Variants in EYA3 observed in about 807,000 individuals in gnomAD.
EYA3 encodes EYA transcriptional coactivator and phosphatase 3.
A neutral mutation model predicts 80.0 loss-of-function variants in EYA3; 39 were observed. That is an observed-to-expected ratio of 0.49 (90% CI 0.38 to 0.64). The LOEUF is 0.64. Among genes scored for constraint, EYA3 ranks in the 30% least tolerant of loss-of-function variants. The probability of loss-of-function intolerance (pLI) is 0.00; values close to 1 mark genes in which losing one functional copy is unlikely to be tolerated. For synonymous variants in EYA3, 206 were observed against 232.8 expected, an observed-to-expected ratio of 0.88 and a Z score of 1.05; for missense variants, 523 against 676.1, an observed-to-expected ratio of 0.77 and a Z score of 2.51.
rs142545821 is a variant in EYA3 at position 28,048,715 on chromosome 1, T to A, written c.34-289A>T. ...CTAGGATAAAGTATCCAAGCTTTGA[T>A]ACAAACTAGTTGGTTTTATACTGTA... On this transcript the variant is annotated intron_variant, in intron 2 of 17. Coordinates refer to ENST00000373871, the MANE Select transcript of EYA3 (RefSeq NM_001990.4). Among the ~76,000 whole-genome samples the A allele has an allele frequency of 6.9e-3, 1,045 of 152,308 alleles. 5 individuals are homozygous for A. The highest frequency in any genetic ancestry group is 0.01 in the Non-Finnish European group (713 of 67,998).
intron 12 of EYA3, chr1:27,998,184 C>T (rs1640587482): frequency 2.8e-6 from 1 of 355,234 alleles, no homozygotes; most frequent in Non-Finnish European, 3.9e-6. Flanking sequence ...CATCCCAGAC[C>T]TACTTGAATC....
At chr1:28,049,883 G>A (rs1408897728) in intron 2 of EYA3, among the ~76,000 whole-genome samples, 1 of 151,942 alleles carries the variant, frequency 6.6e-6, no homozygotes, top group Non-Finnish European at 1.5e-5. Context: ...GTTACATATG[G>A]TCAGATAATA....
intron 1 of EYA3, among the ~76,000 whole-genome samples, chr1:28,073,127 A>ATATATATATATATATATATATATT (rs1553157671): frequency 6.7e-5 from 1 of 14,998 alleles, no homozygotes; most frequent in Non-Finnish European, 1.1e-4. Flanking sequence ...ATATATATAT[A>ATATATATATATATATATATATATT]TTTTTTTTTT....
chr1:27,982,258 A>C (rs1275917930), intron 16 of EYA3, among the ~76,000 whole-genome samples: 1 of 152,030 alleles, frequency 6.6e-6, no homozygotes, highest in Non-Finnish European at 1.5e-5. Context: ...TCGGCCTCCC[A>C]AAGTGCTAGG....
chr1:28,045,422 G>A (rs1571884670), intron 3 of EYA3, among the ~76,000 whole-genome samples: 1 of 152,138 alleles, frequency 6.6e-6, no homozygotes, highest in East Asian at 1.9e-4. Context: ...ACTTCTACAT[G>A]TACCTGGTTA....
chr1:28,062,100 A>G (rs1215759624), intron 1 of EYA3, among the ~76,000 whole-genome samples: 1 of 152,194 alleles, frequency 6.6e-6, no homozygotes, highest in Non-Finnish European at 1.5e-5. Flanking sequence ...CCCCGAGTTA[A>G]TCTTTTAAGT....
At chr1:28,039,042 T>A in intron 4 of EYA3, 137 bp from the exon 5 acceptor site, 2 of 484,338 alleles carry the variant, frequency 4.1e-6, no homozygotes, top group Non-Finnish European at 7.3e-6. Context: ...AAAGACTATG[T>A]GGTAGAAAAT....
chr1:28,071,540 A>G (rs1247591338), intron 1 of EYA3, among the ~76,000 whole-genome samples: 2 of 152,124 alleles, frequency 1.3e-5, no homozygotes, highest in African/African-American at 2.4e-5. Context: ...ATGATCAGAA[A>G]TTTTTTTCAT....
chr1:28,088,404 T>G (rs56309501), intron 1 of EYA3, 120 bp downstream of exon 1: 21,778 of 152,792 alleles, frequency 0.14, 2,075 homozygotes, highest in East Asian at 0.26. Context: ...AGCACTGCAG[T>G]GACAAGGGAC....
At chr1:28,028,554 A>G (rs550164081) in intron 6 of EYA3, among the ~76,000 whole-genome samples, 1 of 152,064 alleles carries the variant, frequency 6.6e-6, no homozygotes, top group African/African-American at 2.4e-5. Flanking sequence ...AGTTTGCAGA[A>G]GAGTCACCCA....
Position 28,004,262 on chromosome 1 carries a change from T to G in EYA3, c.993+74A>C, listed in dbSNP as rs1420997187. ...CCAACAGGGGTAGCAGAGAAATAAT[T>G]TGTTATGTGTCAGAAGAGGGACTGA... On this transcript the variant is annotated intron_variant, in intron 11 of 17. Transcript: ENST00000373871. 5.8e-6 allele frequency: 6 copies of G among 1,033,628 alleles called. No homozygotes were observed. The East Asian group carries it at 1.5e-4, about 26-fold the overall frequency. 64.0% of individuals were successfully genotyped at this position (1,033,628 alleles called of 1,614,324 possible). A position where few individuals can be genotyped will look rare whatever the true frequency, so the allele number is the denominator to read the frequency against.
At chr1:28,020,161 A>G (rs1642334992) in intron 7 of EYA3, among the ~76,000 whole-genome samples, 1 of 152,212 alleles carries the variant, frequency 6.6e-6, no homozygotes, top group Admixed American at 6.5e-5. Context: ...CCTTAAAAAC[A>G]ACTAGCCATA....
chr1:28,075,350 A>G (rs1015949537), intron 1 of EYA3, among the ~76,000 whole-genome samples: 1 of 152,216 alleles, frequency 6.6e-6, no homozygotes, highest in African/African-American at 2.4e-5. Flanking sequence ...CAAGATGGTG[A>G]GCACTCAAGT....
intron 3 of EYA3, among the ~76,000 whole-genome samples, chr1:28,043,577 C>T (rs1476505543): frequency 6.6e-6 from 1 of 152,136 alleles, no homozygotes; most frequent in East Asian, 1.9e-4. Context: ...GTGGCTTACA[C>T]CTGTAATCCC....
At chr1:28,027,735 A>G in intron 7 of EYA3, 54 bp downstream of exon 7, 1 of 1,607,782 alleles carries the variant, frequency 6.2e-7, no homozygotes, top group South Asian at 1.1e-5. Flanking sequence ...GTAGATTAAA[A>G]ACAAGAAACA....
chr1:28,087,741 G>C lies in EYA3; in HGVS notation c.-69+783C>G, dbSNP rs1251946906. ...CACAAAACTGACAGAACTTCTTCAT[G>C]ACTTGTCAATTAACAAGATCGCGCC... On this transcript the variant is annotated intron_variant, in intron 1 of 17. Transcript: ENST00000373871. Among the ~76,000 whole-genome samples, 6 of 152,342 alleles carry C rather than the reference G, an allele frequency of 3.9e-5. No individual in the cohort carries two copies. In the East Asian group the frequency reaches 1.2e-3, roughly 29 times the overall value.
At chr1:28,035,781 A>G (rs996695563) in intron 5 of EYA3, 101 bp from the exon 6 acceptor site, 1 of 1,115,910 alleles carries the variant, frequency 9.0e-7, no homozygotes, top group African/African-American at 1.6e-5. Context: ...ATCTGCAACA[A>G]GGAGACTAAT....
intron 10 of EYA3, among the ~76,000 whole-genome samples, chr1:28,006,890 T>C (rs1279165170): frequency 6.6e-6 from 1 of 151,106 alleles, no homozygotes. Flanking sequence ...GACATCCAAT[T>C]TGGAAAGGAA....
chr1:28,005,577 C>T (rs570354936), intron 10 of EYA3, among the ~76,000 whole-genome samples: 8 of 151,744 alleles, frequency 5.3e-5, no homozygotes, highest in Middle Eastern at 3.4e-3. Flanking sequence ...TACCCAGTTC[C>T]GGTGGTGCAT....
Sources: allele counts gnomAD v4.1 joint callset (sites outside exome capture counted in the v4.1 genomes callset), GRCh38; gene constraint gnomAD v4.1.1; transcripts MANE v1.5; gene names NCBI Gene and HGNC (gene_info 2026-07-23, HGNC 2026-07-21).